Variants in ABCB1 observed in about 807,000 individuals in gnomAD.
ABCB1 encodes ATP-dependent translocase ABCB1.
A neutral mutation model predicts 142.0 loss-of-function variants in ABCB1; 69 were observed. That is an observed-to-expected ratio of 0.49 (90% CI 0.40 to 0.59). The LOEUF is 0.59. Ranked by LOEUF, ABCB1 falls within the 20% of genes least tolerant of loss-of-function variation. The pLI is 0.00. For missense variants in ABCB1, 1,326 were observed against 1,554.7 expected (o/e 0.85, Z 2.47); for synonymous variants, 532 against 539.2 (o/e 0.99, Z 0.18).
At chr7:87,644,706 G>C (rs1484284543) in intron 1 of ABCB1, among the ~76,000 whole-genome samples, 1 of 151,750 alleles carries the variant, frequency 6.6e-6, no homozygotes, top group Non-Finnish European at 1.5e-5. Context: ...ATATATGCTT[G>C]TTGTAAAGGG....
Position 87,668,726 on chromosome 7 carries a change from A to G in ABCB1, c.-331+44435T>C, listed in dbSNP as rs1173753823. On this transcript the variant is annotated intron_variant, in intron 1 of 28. Transcript: ENST00000265724. ...ACTTCTTGATTTCTGTCTTAATTTC[A>G]TTATTTACCCCAAAGCCACTCAAGA... Among the ~76,000 whole-genome samples the G allele has an allele frequency of 5.9e-5, 9 of 151,934 alleles. No individual in the cohort carries two copies. The East Asian group carries it at 1.7e-3, about 29-fold the overall frequency.
At chr7:87,614,022 C>T (rs758491047) in intron 1 of ABCB1, among the ~76,000 whole-genome samples, 3 of 151,664 alleles carry the variant, frequency 2.0e-5, no homozygotes, top group Non-Finnish European at 4.4e-5. Context: ...TATTTAATAT[C>T]CTCTATTTTT....
chr7:87,626,336 GTATATGTGTCATA>G lies in ABCB1; in HGVS notation c.-330-25271_-330-25259del, dbSNP rs1237225413. On this transcript the variant is annotated intron_variant, in intron 1 of 28. Transcript: ENST00000265724. ...CGTATATGTGTCATATATATGTGTC[GTATATGTGTCATA>G]TATATGTGTCATATATATGTGTCAT... Among the ~76,000 whole-genome samples the G allele has an allele frequency of 1.8e-3, 22 of 12,164 alleles. 9 individuals carry two copies. The highest frequency in any genetic ancestry group is 0.014 in the South Asian group (2 of 144). The allele number at this position is 12,164 out of a possible 152,430, so 8.0% of individuals were successfully genotyped here.
Position 87,636,135 on chromosome 7 carries a change from T to C in ABCB1, c.-330-35057A>G, listed in dbSNP as rs559436518. ...TGATGAGTCATATGGCATGCAGATATTCGGCTTCAGTAGATGTGAAAGTTT... is the reference window on the plus strand; with the variant it reads ...TGATGAGTCATATGGCATGCAGATACTCGGCTTCAGTAGATGTGAAAGTTT... On this transcript the variant is annotated intron_variant, in intron 1 of 28. Coordinates refer to the ABCB1 transcript ENST00000265724. Among the ~76,000 whole-genome samples, 57 of 152,352 alleles carry C rather than the reference T, an allele frequency of 3.7e-4. No individual in the cohort carries two copies. The South Asian group carries it at 7.0e-3, about 19-fold the overall frequency.
intron 1 of ABCB1, among the ~76,000 whole-genome samples, chr7:87,647,472 A>G (rs1823124915): frequency 6.6e-6 from 1 of 152,224 alleles, no homozygotes; most frequent in Non-Finnish European, 1.5e-5. Context: ...GATATTTGCA[A>G]ACATGTAAAC....
intron 23 of ABCB1, chr7:87,519,110 T>A: frequency 1.2e-5 from 7 of 594,920 alleles, no homozygotes; most frequent in Non-Finnish European, 3.0e-6. Flanking sequence ...AGGTCAACTA[T>A]GTGTGAGCCA....
In ABCB1 at chr7:87,515,849, G is replaced by A. The variant is rs369051688; in HGVS notation, c.3085-421C>T. ...TGACCTCACGTGATCCACCCACCTT[G>A]GCCTCCCAAAGTGCTGGGATTACAG... On this transcript the variant is annotated intron_variant, in intron 24 of 27. Coordinates refer to ENST00000622132, the MANE Select transcript of ABCB1 (RefSeq NM_001348946.2). Among the ~76,000 whole-genome samples the A allele has an allele frequency of 1.1e-4, 16 of 151,894 alleles. No individual in the cohort carries two copies. In the South Asian group the frequency reaches 3.3e-3, roughly 32 times the overall value.
chr7:87,604,274 C>T (rs1819568684), upstream of ABCB1, among the ~76,000 whole-genome samples: 1 of 151,920 alleles, frequency 6.6e-6, no homozygotes, highest in Non-Finnish European at 1.5e-5. Context: ...CTATTTAGCC[C>T]ATCTGAGTCC....
In ABCB1 at chr7:87,512,210, G is replaced by A. The variant is rs1187633228; in HGVS notation, c.3283-2729C>T. 2.7e-5 allele frequency among the ~76,000 whole-genome samples: 4 copies of A among 149,062 alleles called. No individual in the cohort carries two copies. The East Asian group carries it at 7.8e-4, about 29-fold the overall frequency. ...AAAAAATTTTTTTTTTTTACTTTAA[G>A]TTGAATCCCTACAATTGTATAACCT... On this transcript the variant is annotated intron_variant, in intron 25 of 27. Transcript: ENST00000622132.
At chr7:87,672,545 T>C (rs971795811) in intron 1 of ABCB1, among the ~76,000 whole-genome samples, 3 of 152,204 alleles carry the variant, frequency 2.0e-5, no homozygotes, top group Non-Finnish European at 4.4e-5. Context: ...CCAAGGGGTA[T>C]GTACAGGGGT....
chr7:87,598,040 C>A (rs1311173354), intron 2 of ABCB1, among the ~76,000 whole-genome samples: 1 of 152,064 alleles, frequency 6.6e-6, no homozygotes, highest in African/African-American at 2.4e-5. Flanking sequence ...CTTGGGTATA[C>A]CTGTATCAAA....
intron 20 of ABCB1, among the ~76,000 whole-genome samples, chr7:87,533,851 C>T (rs1224534066): frequency 1.3e-5 from 2 of 152,196 alleles, no homozygotes. Flanking sequence ...CCAACCTGCT[C>T]ATTTCCTCTT....
intron 1 of ABCB1, among the ~76,000 whole-genome samples, chr7:87,615,212 T>C (rs1446438173): frequency 1.3e-5 from 2 of 152,200 alleles, no homozygotes; most frequent in African/African-American, 4.8e-5. Flanking sequence ...GAGCTCTGTC[T>C]ATCTTGTCCA....
At chr7:87,564,162 A>C (rs1489822566) in intron 7 of ABCB1, 1 of 451,704 alleles carries the variant, frequency 2.2e-6, no homozygotes. Context: ...CCTGAACTTA[A>C]AATAAAAGTT....
chr7:87,537,476 G>C (rs973877167), intron 19 of ABCB1, among the ~76,000 whole-genome samples: 2 of 152,206 alleles, frequency 1.3e-5, no homozygotes, highest in Non-Finnish European at 2.9e-5. Context: ...AATGTTAACA[G>C]AAAGAGAAGA....
chr7:87,583,998 GACTT>G (rs765265385), intron 4 of ABCB1, among the ~76,000 whole-genome samples: 1 of 152,282 alleles, frequency 6.6e-6, no homozygotes, highest in East Asian at 1.9e-4. Context: ...AAGCATTGAG[GACTT>G]CCTCTGGTGA....
At chr7:87,538,350 C>T (rs537501223) in intron 19 of ABCB1, among the ~76,000 whole-genome samples, 1 of 152,198 alleles carries the variant, frequency 6.6e-6, no homozygotes, top group Non-Finnish European at 1.5e-5. Flanking sequence ...TCAGTCCTGG[C>T]TCTGTCAGTC....
chr7:87,625,505 T>C (rs1363877185), intron 1 of ABCB1, among the ~76,000 whole-genome samples: 1 of 152,146 alleles, frequency 6.6e-6, no homozygotes, highest in Non-Finnish European at 1.5e-5. Flanking sequence ...CAAGCATCGG[T>C]TTTTAGAAAT....
chr7:87,706,213 C>G (rs1442987931), intron 1 of ABCB1, among the ~76,000 whole-genome samples: 1 of 152,094 alleles, frequency 6.6e-6, no homozygotes, highest in Non-Finnish European at 1.5e-5. Context: ...GCTAAGCAAG[C>G]TGAAGAATAC....
Sources: allele counts gnomAD v4.1 joint callset (sites outside exome capture counted in the v4.1 genomes callset), GRCh38; gene constraint gnomAD v4.1.1; transcripts MANE v1.5; gene names NCBI Gene and HGNC (gene_info 2026-07-23, HGNC 2026-07-21).